The following NDST4 variants were observed in gnomAD, a reference collection of about 807,000 sequenced individuals.
NDST4 encodes the protein N-deacetylase and N-sulfotransferase 4.
A neutral mutation model predicts 100.8 loss-of-function variants in NDST4; 63 were observed. The observed-to-expected ratio is 0.62, with a 90% confidence interval of 0.51 to 0.77. The LOEUF (loss-of-function observed/expected upper bound fraction) is 0.77. Ranked by LOEUF, NDST4 falls within the 30% of genes least tolerant of loss-of-function variation. The pLI is 0.00. For synonymous variants in NDST4, 377 were observed against 361.8 expected (o/e 1.04, Z -0.48); for missense variants, 943 against 1,018.4 (o/e 0.93, Z 1.01).
At chr4:115,057,700 A>G (rs945001816) in intron 2 of NDST4, among the ~76,000 whole-genome samples, 11 of 113,324 alleles carry the variant, frequency 9.7e-5, no homozygotes, top group African/African-American at 3.5e-4. Flanking sequence ...ATGCGTGCGC[A>G]CGCACACACA....
In NDST4 at chr4:114,827,906, T is replaced by G. The variant is rs1188913001; in HGVS notation, c.2529A>C (p.Arg843=). Residue 843 remains arginine (R), a synonymous_variant, in exon 14 of 14, where the codon CGA becomes CGC. Transcript: ENST00000264363. ...GTTTGGATAGTTCCACATTATGATC[T>G]CGGTAGTAATTAGAGAGGAACGTTC... is the stretch of plus-strand genomic sequence containing the variant. ...ESRTFLSNYY[R]DHNVELSKLL... 6.2e-7 allele frequency: 1 copy of G among 1,609,812 alleles called. No individual in the cohort carries two copies. Among genetic ancestry groups the G allele is most frequent in the Non-Finnish European group, 8.5e-7 (1 of 1,178,622 alleles).
chr4:114,875,143 A>T (rs560383547), intron 6 of NDST4, among the ~76,000 whole-genome samples: 9 of 152,320 alleles, frequency 5.9e-5, no homozygotes, highest in African/African-American at 2.2e-4. Context: ...GGCCAATTGC[A>T]GCAGGCCTTC....
chr4:114,968,179 C>T (rs888919428), intron 4 of NDST4, among the ~76,000 whole-genome samples: 3 of 152,172 alleles, frequency 2.0e-5, no homozygotes, highest in Non-Finnish European at 4.4e-5. Context: ...GAGCTATTAG[C>T]TTAACAACTG....
chr4:114,935,187 G>T lies in NDST4; in HGVS notation c.1536+19C>A. The T allele has an allele frequency of 6.4e-7, 1 of 1,568,280 alleles. No individual in the cohort carries two copies. Among genetic ancestry groups the T allele is most frequent in the Non-Finnish European group, 8.6e-7 (1 of 1,159,600 alleles). On this transcript the variant is annotated intron_variant, in intron 6 of 13. Coordinates refer to ENST00000264363, the MANE Select transcript of NDST4 (RefSeq NM_022569.3). ...AAAAATGCTAATCTTATTGTAAGGTGCATACATAGAATACATACTGGGTTT... is the reference window on the plus strand; with the variant it reads ...AAAAATGCTAATCTTATTGTAAGGTTCATACATAGAATACATACTGGGTTT...
intron 11 of NDST4, among the ~76,000 whole-genome samples, chr4:114,834,564 G>T (rs1251673107): frequency 5.3e-5 from 8 of 151,424 alleles, no homozygotes. Flanking sequence ...CAATGGTAAG[G>T]CCCAGCTACT....
chr4:115,084,127 C>T (rs1729362195), intron 1 of NDST4, among the ~76,000 whole-genome samples: 2 of 152,136 alleles, frequency 1.3e-5, no homozygotes, highest in Non-Finnish European at 2.9e-5. Flanking sequence ...ACAATATGAA[C>T]AATGAAGTCC....
chr4:114,892,084 A>T (rs1724611305), intron 6 of NDST4, among the ~76,000 whole-genome samples: 1 of 152,146 alleles, frequency 6.6e-6, no homozygotes, highest in Non-Finnish European at 1.5e-5. Context: ...TAGGACAAAA[A>T]TTGTAGAAAA....
chr4:114,835,780 T>C (rs1307887383), intron 11 of NDST4, among the ~76,000 whole-genome samples: 1 of 152,222 alleles, frequency 6.6e-6, no homozygotes, highest in Non-Finnish European at 1.5e-5. Flanking sequence ...ACTTGTTATA[T>C]GAATCTGGGT....
intron 1 of NDST4, among the ~76,000 whole-genome samples, chr4:115,080,716 G>T (rs1195930739): frequency 7.5e-6 from 1 of 133,310 alleles, no homozygotes; most frequent in Non-Finnish European, 1.7e-5. Flanking sequence ...GTGTAATAAT[G>T]AAAGTGAAAG....
chr4:114,882,578 CA>C (rs1724392892), intron 6 of NDST4, among the ~76,000 whole-genome samples: 1 of 149,706 alleles, frequency 6.7e-6, no homozygotes, highest in Non-Finnish European at 1.5e-5. Context: ...AACTAAAGTA[CA>C]AAGAGAAAAA....
chr4:114,891,136 T>C (rs1724586174), intron 6 of NDST4, among the ~76,000 whole-genome samples: 1 of 152,126 alleles, frequency 6.6e-6, no homozygotes, highest in African/African-American at 2.4e-5. Context: ...CCTTGCAGTG[T>C]TTGTCTGCCA....
At chr4:114,872,214 A>G (rs1724163385) in intron 6 of NDST4, among the ~76,000 whole-genome samples, 1 of 152,148 alleles carries the variant, frequency 6.6e-6, no homozygotes. Context: ...ATAAATGTCT[A>G]AAGAGGAGGC....
At chr4:115,024,656 T>C (rs1333645383) in intron 2 of NDST4, among the ~76,000 whole-genome samples, 1 of 152,152 alleles carries the variant, frequency 6.6e-6, no homozygotes, top group African/African-American at 2.4e-5. Flanking sequence ...CTGATTCAGA[T>C]GAGACTCTAC....
At chr4:114,964,964 GTTTT>G (rs35971842) in intron 4 of NDST4, among the ~76,000 whole-genome samples, 55 of 151,206 alleles carry the variant, frequency 3.6e-4, no homozygotes, top group Non-Finnish European at 6.5e-4. Context: ...GTGCTTCAGG[GTTTT>G]TTATTACTGT....
chr4:115,106,420 T>G (rs1729834612), intron 1 of NDST4, among the ~76,000 whole-genome samples: 1 of 152,004 alleles, frequency 6.6e-6, no homozygotes, highest in Admixed American at 6.6e-5. Context: ...TCATAAGGAG[T>G]GGTTCCTGGA....
chr4:115,020,185 A>G, intron 2 of NDST4, among the ~76,000 whole-genome samples: 1 of 152,112 alleles, frequency 6.6e-6, no homozygotes, highest in East Asian at 1.9e-4. Context: ...GAAGAGCCTA[A>G]AACTTCTTAG....
chr4:114,833,524 A>T (rs1560769367), intron 12 of NDST4, 82 bp downstream of exon 12: 2 of 835,516 alleles, frequency 2.4e-6, no homozygotes, highest in East Asian at 5.1e-5. Flanking sequence ...AGCTAGTATT[A>T]ATGATGTTAT....
chr4:115,019,247 C>G (rs900415526), intron 2 of NDST4, among the ~76,000 whole-genome samples: 10 of 151,906 alleles, frequency 6.6e-5, no homozygotes, highest in Admixed American at 4.6e-4. Flanking sequence ...TAGTGTCCCC[C>G]CAAAACAAAA....
chr4:115,005,651 A>C (rs956498998), intron 2 of NDST4, among the ~76,000 whole-genome samples: 31 of 152,160 alleles, frequency 2.0e-4, no homozygotes, highest in Non-Finnish European at 2.9e-5. Context: ...AACTAATCTT[A>C]GGTATGAATG....
Sources: gnomAD v4.1 joint callset for allele counts (sites outside exome capture counted in the v4.1 genomes callset) on GRCh38, gnomAD v4.1.1 for gene constraint, MANE v1.5 for transcripts, NCBI Gene and HGNC (gene_info 2026-07-23, HGNC 2026-07-21) for gene names.